The following PKN2 variants were observed in gnomAD, a reference collection of about 807,000 sequenced individuals.
PKN2 encodes protein kinase N2, also known as serine/threonine-protein kinase N2.
PKN2 carries 38 observed loss-of-function variants against 119.1 expected under a neutral mutation model. The observed-to-expected ratio is 0.32, with a 90% CI of 0.25 to 0.42. The LOEUF is 0.42. Ranked by LOEUF, PKN2 falls within the 10% of genes least tolerant of loss-of-function variation. PKN2 has a pLI of 1.00. For synonymous variants in PKN2, 390 were observed against 384.9 expected, an observed-to-expected ratio of 1.01 and a Z score of -0.15; for missense variants, 850 against 1,165.1, an observed-to-expected ratio of 0.73 and a Z score of 3.94.
At chr1:88,784,281 G>A (rs1329197756) in intron 6 of PKN2, among the ~76,000 whole-genome samples, 4 of 151,412 alleles carry the variant, frequency 2.6e-5, no homozygotes, top group African/African-American at 7.3e-5. Flanking sequence ...ACACCGCCTC[G>A]CCCAGCTAAT....
intron 8 of PKN2, among the ~76,000 whole-genome samples, chr1:88,786,810 T>A (rs1275249166): frequency 6.6e-6 from 1 of 152,070 alleles, no homozygotes; most frequent in African/African-American, 2.4e-5. Context: ...TAAACTTTTT[T>A]ATTATTTGGT....
At chr1:88,695,113 C>T (rs971953152) in intron 1 of PKN2, among the ~76,000 whole-genome samples, 5 of 151,000 alleles carry the variant, frequency 3.3e-5, no homozygotes, top group African/African-American at 7.3e-5. Flanking sequence ...GGCGACAGAG[C>T]GAGACTCCAT....
intron 1 of PKN2, among the ~76,000 whole-genome samples, chr1:88,715,399 G>C (rs1464944492): frequency 6.6e-6 from 1 of 152,100 alleles, no homozygotes; most frequent in Non-Finnish European, 1.5e-5. Flanking sequence ...TCTGGTCCTG[G>C]ACTTTTTTTG....
At chr1:88,732,963 TAG>T (rs1200316795) in intron 1 of PKN2, among the ~76,000 whole-genome samples, 1 of 151,798 alleles carries the variant, frequency 6.6e-6, no homozygotes, top group Non-Finnish European at 1.5e-5. Context: ...CTCATAGAGG[TAG>T]AGAGTAGAAT....
chr1:88,765,632 T>C (rs1669638493), intron 3 of PKN2, among the ~76,000 whole-genome samples: 1 of 151,966 alleles, frequency 6.6e-6, no homozygotes, highest in African/African-American at 2.4e-5. Flanking sequence ...AGTGGTTAAG[T>C]TGTTGTTGTA....
chr1:88,767,060 G>T (rs1223392470), intron 3 of PKN2, among the ~76,000 whole-genome samples: 2 of 152,074 alleles, frequency 1.3e-5, no homozygotes, highest in African/African-American at 4.8e-5. Context: ...TAGCTTAATT[G>T]AAGAGAGTAA....
At chr1:88,772,123 G>T (rs186145752) in intron 6 of PKN2, among the ~76,000 whole-genome samples, 1 of 152,094 alleles carries the variant, frequency 6.6e-6, no homozygotes, top group African/African-American at 2.4e-5. Context: ...AAAAGGAAAC[G>T]CATACCTGTT....
In PKN2 at chr1:88,784,712, A is replaced by T; in HGVS notation, c.1059A>T (p.Ser353=). 6.2e-7 allele frequency: 1 copy of T among 1,612,360 alleles called. No homozygotes were observed. Among genetic ancestry groups the T allele is most frequent in the Non-Finnish European group, 8.5e-7 (1 of 1,178,786 alleles). The change falls in exon 7 of 22, where the codon TCA becomes TCT. Residue 353 remains serine, a synonymous_variant. Transcript: ENST00000370521. ...TCCCTGGACGGTCAAAAGCAACATC[A>T]GTTGCACTGCCTGGTTGGAGTCCAA... ...ENVPGRSKAT[S]VALPGWSPSE...
chr1:88,688,451 A>G (rs1030284975), intron 1 of PKN2, among the ~76,000 whole-genome samples: 3 of 152,180 alleles, frequency 2.0e-5, no homozygotes, highest in Non-Finnish European at 4.4e-5. Context: ...CTAATGTTAT[A>G]GTTGTATGAA....
chr1:88,698,689 T>C (rs1457346774), intron 1 of PKN2, among the ~76,000 whole-genome samples: 1 of 152,222 alleles, frequency 6.6e-6, no homozygotes, highest in African/African-American at 2.4e-5. Context: ...TCTCTTCAAT[T>C]AGTCCTACTC....
intron 1 of PKN2, among the ~76,000 whole-genome samples, chr1:88,694,467 G>A (rs535397411): frequency 6.6e-6 from 1 of 152,160 alleles, no homozygotes; most frequent in East Asian, 1.9e-4. Flanking sequence ...TTTCTTTTTA[G>A]TACTGAATAA....
intron 3 of PKN2, among the ~76,000 whole-genome samples, chr1:88,765,273 A>C (rs1669619086): frequency 9.3e-6 from 1 of 107,416 alleles, no homozygotes; most frequent in Non-Finnish European, 1.8e-5. Context: ...AGTTTTTGAG[A>C]CTTCATCTCA....
chr1:88,756,135 C>A (rs1306927600), intron 2 of PKN2, among the ~76,000 whole-genome samples: 1 of 152,038 alleles, frequency 6.6e-6, no homozygotes, highest in Non-Finnish European at 1.5e-5. Flanking sequence ...TGGTCTTGAT[C>A]TCCACCTGCC....
At chr1:88,750,807 A>G (rs1439953534) in intron 2 of PKN2, among the ~76,000 whole-genome samples, 2 of 152,080 alleles carry the variant, frequency 1.3e-5, no homozygotes, top group Non-Finnish European at 2.9e-5. Flanking sequence ...TTCAACCTTC[A>G]TTGTAAGTTT....
chr1:88,787,891 G>C (rs890641993), intron 8 of PKN2, among the ~76,000 whole-genome samples: 1 of 151,934 alleles, frequency 6.6e-6, no homozygotes, highest in Non-Finnish European at 1.5e-5. Flanking sequence ...ATTAAAATAG[G>C]TCCTTCTGTT....
At position 88,708,632 on chromosome 1, in the gene PKN2, T is replaced by C. The variant is rs541947648; in HGVS notation, c.48+24004T>C. On this transcript the variant is annotated intron_variant, in intron 1 of 21. Coordinates refer to ENST00000370521, the MANE Select transcript of PKN2 (RefSeq NM_006256.4). ...ACACATAAAACTTTTTTTTTTTTTT[T>C]TTTTTTTAAAGTAGAGATGGGGTTT... is the stretch of plus-strand genomic sequence containing the variant. Among the ~76,000 whole-genome samples, 964 of 151,148 alleles carry C rather than the reference T, an allele frequency of 6.4e-3. 6 individuals are homozygous for C. The highest frequency in any genetic ancestry group is 8.4e-3 in the Non-Finnish European group (571 of 67,666).
intron 15 of PKN2, 47 bp from the exon 16 acceptor site, chr1:88,813,510 C>A: frequency 2.3e-6 from 3 of 1,286,868 alleles, no homozygotes; most frequent in Non-Finnish European, 2.1e-6. Flanking sequence ...TTATTTCCAA[C>A]TAGAATTATT....
intron 19 of PKN2, among the ~76,000 whole-genome samples, chr1:88,831,237 A>G (rs541500155): frequency 7.9e-5 from 12 of 151,930 alleles, no homozygotes; most frequent in Admixed American, 3.9e-4. Context: ...TTTGCTTACA[A>G]TCTATTTGCA....
chr1:88,736,644 T>G (rs1046109735), intron 1 of PKN2, among the ~76,000 whole-genome samples: 1 of 152,196 alleles, frequency 6.6e-6, no homozygotes, highest in Non-Finnish European at 1.5e-5. Flanking sequence ...CGTGAGCCAC[T>G]GTGCCCGACC....
Sources: gnomAD v4.1 joint callset for allele counts (sites outside exome capture counted in the v4.1 genomes callset) on GRCh38, gnomAD v4.1.1 for gene constraint, MANE v1.5 for transcripts, NCBI Gene and HGNC (gene_info 2026-07-23, HGNC 2026-07-21) for gene names.